CR1L: variants seen among roughly 807,000 people sequenced by gnomAD.
The protein encoded by CR1L is complement component receptor 1-like protein.
CR1L carries 59 observed loss-of-function variants against 62.3 expected under a neutral mutation model. That is an observed-to-expected ratio of 0.95 (90% confidence interval 0.77 to 1.18). The LOEUF is 1.18. CR1L is among the 50% of genes most tolerant of loss of function. The pLI is 0.00. For synonymous variants in CR1L, 279 were observed against 248.7 expected, an observed-to-expected ratio of 1.12 and a Z score of -1.15; for missense variants, 700 against 702.8, an observed-to-expected ratio of 1.00 and a Z score of 0.04.
chr1:207,648,746 G>A (rs1457464155), intron 1 of CR1L, among the ~76,000 whole-genome samples: 1 of 152,118 alleles, frequency 6.6e-6, no homozygotes, highest in Non-Finnish European at 1.5e-5. Flanking sequence ...AGTTCTTATT[G>A]CTTCTTAGTT....
chr1:207,677,582 G>C lies in CR1L; in HGVS notation c.277+14G>C, dbSNP rs773743345. ...ACAAGTGCAAACGTAAGTAACTCTGGAGTGGGAACCCCTCTGTTAGTCAAA... is the reference window on the plus strand; with the variant it reads ...ACAAGTGCAAACGTAAGTAACTCTGCAGTGGGAACCCCTCTGTTAGTCAAA... On this transcript the variant is annotated intron_variant, in intron 2 of 11. Transcript: ENST00000508064. The C allele has an allele frequency of 2.5e-6, 4 of 1,609,634 alleles. No homozygotes were observed. The highest frequency in any genetic ancestry group is 2.2e-5 in the South Asian group (2 of 89,982).
At chr1:207,663,693 GCA>G (rs1558012628) in intron 1 of CR1L, among the ~76,000 whole-genome samples, 1 of 152,230 alleles carries the variant, frequency 6.6e-6, no homozygotes, top group Non-Finnish European at 1.5e-5. Context: ...AGTTGGAAAT[GCA>G]GAAATCACCC....
Position 207,647,515 on chromosome 1 carries a change from G to A in CR1L, c.97+2185G>A, listed in dbSNP as rs143425776. Among the ~76,000 whole-genome samples the A allele has an allele frequency of 5.8e-3, 877 of 152,256 alleles. 2 individuals are homozygous for A. Among genetic ancestry groups the A allele is most frequent in the Middle Eastern group, 0.01 (3 of 294 alleles). ...CTCTGTCTCTCCCCATCAGAATGCAGGAATCTTCTGTCTTCCCCCATTTGT... is the reference window on the plus strand; with the variant it reads ...CTCTGTCTCTCCCCATCAGAATGCAAGAATCTTCTGTCTTCCCCCATTTGT... On this transcript the variant is annotated intron_variant, in intron 1 of 11. Transcript: ENST00000508064.
chr1:207,675,370 C>T (rs1663674687), intron 1 of CR1L, among the ~76,000 whole-genome samples: 1 of 152,102 alleles, frequency 6.6e-6, no homozygotes, highest in Admixed American at 6.6e-5. Context: ...GTGGTATGGC[C>T]ATAGACAGGC....
At chr1:207,701,873 A>G (rs1369054042) in intron 9 of CR1L, 3 of 638,750 alleles carry the variant, frequency 4.7e-6, no homozygotes, top group Middle Eastern at 4.0e-4. Context: ...AATTAGGAGT[A>G]TAGTAGTCAA....
chr1:207,666,099 C>T (rs1663519052), intron 1 of CR1L, among the ~76,000 whole-genome samples: 1 of 152,172 alleles, frequency 6.6e-6, no homozygotes, highest in Non-Finnish European at 1.5e-5. Context: ...ATTATCTACT[C>T]AACCCTAATT....
At chr1:207,653,606 G>A (rs987787680) in intron 1 of CR1L, among the ~76,000 whole-genome samples, 14 of 152,246 alleles carry the variant, frequency 9.2e-5, no homozygotes, top group African/African-American at 3.1e-4. Context: ...CCATCATGTT[G>A]AACAAAAGCT....
intron 4 of CR1L, among the ~76,000 whole-genome samples, chr1:207,693,167 G>A (rs1664022312): frequency 6.6e-6 from 1 of 152,182 alleles, no homozygotes; most frequent in Admixed American, 6.5e-5. Flanking sequence ...TGCACAACTG[G>A]AGTGCAGTGG....
chr1:207,684,709 G>A (rs1663872907), intron 4 of CR1L, among the ~76,000 whole-genome samples: 2 of 152,160 alleles, frequency 1.3e-5, no homozygotes, highest in Admixed American at 6.5e-5. Flanking sequence ...TGACTAGAAA[G>A]AGATGTGTTT....
chr1:207,645,923 G>C (rs933869822), intron 1 of CR1L, among the ~76,000 whole-genome samples: 1 of 152,178 alleles, frequency 6.6e-6, no homozygotes, highest in African/African-American at 2.4e-5. Context: ...GTTCACTGTG[G>C]GCAAGACAGC....
intron 10 of CR1L, chr1:207,715,443 G>T (rs1434712367): frequency 8.0e-6 from 10 of 1,256,160 alleles, no homozygotes; most frequent in Admixed American, 5.3e-5. Context: ...CCTTATTTTT[G>T]TTTTCCAGTG....
intron 7 of CR1L, 125 bp downstream of exon 7, chr1:207,697,998 T>A: frequency 7.8e-5 from 99 of 1,269,294 alleles, no homozygotes; most frequent in South Asian, 4.8e-4. Flanking sequence ...ACACACACAA[T>A]CAGAGAGATG....
rs773743345 is a variant in CR1L at position 207,677,582 on chromosome 1, G to A, written c.277+14G>A. The A allele has an allele frequency of 6.8e-6, 11 of 1,609,752 alleles. No homozygotes were observed. Among genetic ancestry groups the A allele is most frequent in the South Asian group, 1.1e-5 (1 of 89,978 alleles). On this transcript the variant is annotated intron_variant, in intron 2 of 11. Transcript: ENST00000508064. ...ACAAGTGCAAACGTAAGTAACTCTG[G>A]AGTGGGAACCCCTCTGTTAGTCAAA... is the stretch of plus-strand genomic sequence containing the variant.
At position 207,689,818 on chromosome 1, in the gene CR1L, C is replaced by T. The variant is rs1054126088; in HGVS notation, c.464-4535C>T. On this transcript the variant is annotated intron_variant, in intron 4 of 11. Transcript: ENST00000508064. Reference sequence around the variant, plus strand: ...TAGCTATAAAAGTATTATTTTATATCGTATTGAATTAGTTTGGGTAAGTTA... The same window carrying T: ...TAGCTATAAAAGTATTATTTTATATTGTATTGAATTAGTTTGGGTAAGTTA... Among the ~76,000 whole-genome samples, 12 of 151,714 alleles carry T rather than the reference C, an allele frequency of 7.9e-5. No individual in the cohort carries two copies. In the South Asian group the frequency reaches 8.3e-4, roughly 10 times the overall value.
chr1:207,723,604 T>C lies in CR1L; in HGVS notation c.1643-14T>C, dbSNP rs1485912865. The C allele has an allele frequency of 6.3e-7, 1 of 1,586,744 alleles. No homozygotes were observed. Among genetic ancestry groups the C allele is most frequent in the Non-Finnish European group, 8.6e-7 (1 of 1,163,070 alleles). ...GCCAGAGTGATGTTTTTGTGACTTT[T>C]GTCTTCCTTTTAGGTTCACATGATG... On this transcript the variant is annotated splice_polypyrimidine_tract_variant and intron_variant, in intron 11 of 11. Coordinates refer to ENST00000508064, the MANE Select transcript of CR1L (RefSeq NM_175710.2).
intron 1 of CR1L, among the ~76,000 whole-genome samples, chr1:207,656,748 G>A (rs1345118381): frequency 6.6e-6 from 1 of 152,102 alleles, no homozygotes; most frequent in East Asian, 1.9e-4. Flanking sequence ...AGTATCACGA[G>A]AACAGCACCA....
chr1:207,694,330 T>A, intron 4 of CR1L, 23 bp from the exon 5 acceptor site: 1 of 1,613,284 alleles, frequency 6.2e-7, no homozygotes, highest in Non-Finnish European at 8.5e-7. Flanking sequence ...TTATTTAAAT[T>A]GACTGTGCTC....
At chr1:207,650,203 T>C (rs1663201743) in intron 1 of CR1L, among the ~76,000 whole-genome samples, 1 of 152,038 alleles carries the variant, frequency 6.6e-6, no homozygotes, top group African/African-American at 2.4e-5. Flanking sequence ...TCAGTGGTAA[T>C]GAAGTCACAG....
rs765684098 is a variant in CR1L at position 207,694,533 on chromosome 1, G to A, written c.644G>A (p.Gly215Asp). 1.2e-6 allele frequency: 2 copies of A among 1,613,098 alleles called. No individual in the cohort carries two copies. The highest frequency in any genetic ancestry group is 1.1e-5 in the South Asian group (1 of 91,052). The change falls in exon 5 of 12, where the codon GGC becomes GAC. Residue 215 changes from glycine (G) to aspartate (D), a missense_variant. Coordinates refer to ENST00000508064, the MANE Select transcript of CR1L (RefSeq NM_175710.2). ...TGCACCAGCAAAGATGATCAAGTGG[G>A]CATCTGGAGTGGCCCAGCCCCTCAG... ...IYCTSKDDQV[G>D]IWSGPAPQCI... is the part of the protein sequence containing the mutation.
Sources: allele counts gnomAD v4.1 joint callset (sites outside exome capture counted in the v4.1 genomes callset), GRCh38; gene constraint gnomAD v4.1.1; transcripts MANE v1.5; gene names NCBI Gene and HGNC (gene_info 2026-07-23, HGNC 2026-07-21).